NALF1: variants seen among roughly 807,000 people sequenced by gnomAD.
NALF1 encodes NALCN channel auxiliary factor 1, also known as family with sequence similarity 155 member A.
Under a neutral mutation model 48.4 loss-of-function variants are expected in NALF1, and 3 were observed. The observed-to-expected ratio is 0.06, with a 90% confidence interval of 0.03 to 0.16. The LOEUF (loss-of-function observed/expected upper bound fraction) is 0.16. Ranked by LOEUF, NALF1 falls within the 10% of genes least tolerant of loss-of-function variation. NALF1 has a pLI of 1.00. For synonymous variants in NALF1, 262 were observed against 245.7 expected, an observed-to-expected ratio of 1.07 and a Z score of -0.62; for missense variants, 526 against 571.5, an observed-to-expected ratio of 0.92 and a Z score of 0.81.
In NALF1 at chr13:107,413,123, T is replaced by C. The variant is rs1202610547; in HGVS notation, c.916-202368A>G. ...GAACTGGGTAGAAGGGAACACAATG[T>C]AATCAAGTAATAATCCAGGGTCTAT... On this transcript the variant is annotated intron_variant, in intron 1 of 2. Coordinates refer to ENST00000375915, the MANE Select transcript of NALF1 (RefSeq NM_001080396.3). Among the ~76,000 whole-genome samples, 5 of 152,314 alleles carry C rather than the reference T, an allele frequency of 3.3e-5. No individual in the cohort carries two copies. In the South Asian group the frequency reaches 1.0e-3, roughly 32 times the overall value.
intron 1 of NALF1, among the ~76,000 whole-genome samples, chr13:107,858,288 C>T (rs817000): frequency 0.79 from 120,672 of 152,188 alleles, 48,239 homozygotes; most frequent in Non-Finnish European, 0.84. Flanking sequence ...AAGACAGTTA[C>T]ATGTGGGTTT....
intron 1 of NALF1, among the ~76,000 whole-genome samples, chr13:107,536,391 A>C (rs1876812143): frequency 6.6e-6 from 1 of 152,172 alleles, no homozygotes; most frequent in African/African-American, 2.4e-5. Flanking sequence ...AGAAAACAAC[A>C]AACAACCCCA....
chr13:107,298,108 G>A (rs118042223), intron 1 of NALF1, among the ~76,000 whole-genome samples: 2,596 of 151,654 alleles, frequency 0.017, 32 homozygotes, highest in Middle Eastern at 0.059. Flanking sequence ...ACACACACTC[G>A]GGAGGCCAAG....
At chr13:107,269,824 T>C (rs1366819972) in intron 1 of NALF1, among the ~76,000 whole-genome samples, 2 of 151,522 alleles carry the variant, frequency 1.3e-5, no homozygotes, top group Non-Finnish European at 2.9e-5. Context: ...TTTTTTTTTT[T>C]GCAAGCTCCG....
At chr13:107,752,151 T>G (rs1164854004) in intron 1 of NALF1, among the ~76,000 whole-genome samples, 2 of 152,088 alleles carry the variant, frequency 1.3e-5, no homozygotes, top group African/African-American at 4.8e-5. Context: ...ACCTGTTGAA[T>G]GATATATCCA....
At chr13:107,566,534 C>T (rs745889714) in intron 1 of NALF1, among the ~76,000 whole-genome samples, 1 of 152,164 alleles carries the variant, frequency 6.6e-6, no homozygotes, top group Non-Finnish European at 1.5e-5. Flanking sequence ...CAACAAGAAG[C>T]AGGTCCAAGG....
chr13:107,430,660 T>C (rs1884364086), intron 1 of NALF1, among the ~76,000 whole-genome samples: 1 of 152,294 alleles, frequency 6.6e-6, no homozygotes, highest in South Asian at 2.1e-4. Context: ...TAGTATTCCA[T>C]GGTGTATATG....
chr13:107,279,043 C>CTTTTTTTTTTTTTTT (rs200133690), intron 1 of NALF1, among the ~76,000 whole-genome samples: 4 of 122,936 alleles, frequency 3.3e-5, no homozygotes, highest in Non-Finnish European at 4.9e-5. Context: ...TTCTTTTCTT[C>CTTTTTTTTTTTTTTT]TTTTTTTTTT....
intron 1 of NALF1, among the ~76,000 whole-genome samples, chr13:107,292,993 T>TTTTTCTTTTC (rs1555330871): frequency 2.3e-3 from 20 of 8,850 alleles, no homozygotes; most frequent in Admixed American, 0.019. Context: ...TTTCTTTTTC[T>TTTTTCTTTTC]TTTTTTTTTT....
chr13:107,225,077 C>T (rs140294269), intron 1 of NALF1, among the ~76,000 whole-genome samples: 4,881 of 152,236 alleles, frequency 0.032, 118 homozygotes, highest in South Asian at 0.079. Context: ...GGCACAATCT[C>T]GGCTCACTGC....
At chr13:107,689,579 A>C (rs149973388) in intron 1 of NALF1, among the ~76,000 whole-genome samples, 49 of 152,348 alleles carry the variant, frequency 3.2e-4, no homozygotes, top group African/African-American at 1.1e-3. Context: ...TAAAAATAAT[A>C]ATATTGAAAT....
In NALF1 at chr13:107,167,942, A is replaced by G. The variant is rs1242648979; in HGVS notation, c.*2555T>C. 2.6e-5 allele frequency: 4 copies of G among 152,246 alleles called. No individual in the cohort carries two copies. In the East Asian group the frequency reaches 5.8e-4, roughly 22 times the overall value. The allele number at this position is 152,246 out of a possible 1,614,324, so 9.4% of individuals were successfully genotyped here. A position where few individuals can be genotyped will look rare whatever the true frequency, so the allele number is the denominator to read the frequency against. On this transcript the variant is annotated 3_prime_UTR_variant, in exon 3 of 3. Coordinates refer to ENST00000375915, the MANE Select transcript of NALF1 (RefSeq NM_001080396.3). ...AAATATATTGAGAAAATGAAAACCT[A>G]TATTTTAAGGAATACTGCTTTTCGT...
chr13:107,705,180 A>C (rs1881917151), intron 1 of NALF1, among the ~76,000 whole-genome samples: 1 of 152,202 alleles, frequency 6.6e-6, no homozygotes, highest in Non-Finnish European at 1.5e-5. Flanking sequence ...GACACTGTAA[A>C]TTGGTGGGAA....
chr13:107,617,175 A>G (rs551975245), intron 1 of NALF1, among the ~76,000 whole-genome samples: 1 of 152,332 alleles, frequency 6.6e-6, no homozygotes, highest in South Asian at 2.1e-4. Context: ...ACATATTCAT[A>G]TCCTTCAGAA....
In NALF1 at chr13:107,659,979, C is replaced by T. The variant is rs531880051; in HGVS notation, c.915+205703G>A. 2.8e-4 allele frequency among the ~76,000 whole-genome samples: 42 copies of T among 151,856 alleles called. No homozygotes were observed. The South Asian group carries it at 8.8e-3, about 32-fold the overall frequency. On this transcript the variant is annotated intron_variant, in intron 1 of 2. Transcript: ENST00000375915. The stretch of plus-strand genomic sequence containing the variant: ...ATCTCCTGACCTTGTGATCCGCCTG[C>T]CTTGGCCTCCCAAAGTGCTGGGATT...
At chr13:107,837,772 G>A (rs757365403) in intron 1 of NALF1, among the ~76,000 whole-genome samples, 3 of 152,108 alleles carry the variant, frequency 2.0e-5, no homozygotes, top group Non-Finnish European at 4.4e-5. Context: ...AAAGACATTT[G>A]ACGAGGATGA....
intron 1 of NALF1, among the ~76,000 whole-genome samples, chr13:107,654,661 C>T (rs1880530601): frequency 1.3e-5 from 2 of 151,980 alleles, no homozygotes; most frequent in South Asian, 4.2e-4. Context: ...CAGTATCACC[C>T]TAATACCAAA....
At chr13:107,773,998 G>C (rs1877655463) in intron 1 of NALF1, among the ~76,000 whole-genome samples, 2 of 146,602 alleles carry the variant, frequency 1.4e-5, no homozygotes, top group South Asian at 4.4e-4. Context: ...AAATGATCAA[G>C]TATTTTAAAC....
intron 1 of NALF1, among the ~76,000 whole-genome samples, chr13:107,853,534 A>C (rs1025921469): frequency 1.3e-5 from 2 of 152,200 alleles, no homozygotes; most frequent in African/African-American, 4.8e-5. Flanking sequence ...TTATGAAACA[A>C]TTGGGAACAC....
Sources: allele counts gnomAD v4.1 joint callset (sites outside exome capture counted in the v4.1 genomes callset), GRCh38; gene constraint gnomAD v4.1.1; transcripts MANE v1.5; gene names NCBI Gene and HGNC (gene_info 2026-07-23, HGNC 2026-07-21).